The following OSBPL2 variants were observed in gnomAD, a reference collection of about 807,000 sequenced individuals.
The protein encoded by OSBPL2 is oxysterol-binding protein-related protein 2.
A neutral mutation model predicts 58.4 loss-of-function variants in OSBPL2; 18 were observed. The ratio of observed to expected loss-of-function variants is 0.31; its 90% confidence interval spans 0.21 to 0.46. OSBPL2 has a LOEUF of 0.46. Among genes scored for constraint, OSBPL2 ranks in the 20% least tolerant of loss-of-function variants. The probability of loss-of-function intolerance (pLI) is 1.00; values close to 1 mark genes in which losing one functional copy is unlikely to be tolerated. For missense variants in OSBPL2, 461 were observed against 616.5 expected (o/e 0.75, Z 2.67); for synonymous variants, 221 against 234.1 (o/e 0.94, Z 0.51).
chr20:62,291,755 G>A lies in OSBPL2; in HGVS notation c.1302G>A (p.Arg434=). The change falls in exon 13 of 14, where the codon CGG becomes CGA. Residue 434 remains arginine, a synonymous_variant. Transcript: ENST00000313733. ...ERLEEKQREA[R]RERAKEEAEW... is the part of the protein sequence containing the mutation. Reference sequence around the variant, plus strand: ...TGGAGGAGAAGCAGAGAGAAGCACGGAGGGAGCGGGCCAAGGAGGAGGCAG... The same window carrying A: ...TGGAGGAGAAGCAGAGAGAAGCACGAAGGGAGCGGGCCAAGGAGGAGGCAG... 6.2e-7 allele frequency: 1 copy of A among 1,612,720 alleles called. No individual in the cohort carries two copies. Among genetic ancestry groups the A allele is most frequent in the African/African-American group, 1.3e-5 (1 of 74,742 alleles).
chr20:62,247,774 C>G (rs1251623755), intron 1 of OSBPL2, among the ~76,000 whole-genome samples: 1 of 151,676 alleles, frequency 6.6e-6, no homozygotes, highest in Non-Finnish European at 1.5e-5. Context: ...AAGCTATTCT[C>G]CTGCCTCAGC....
chr20:62,287,817 G>A (rs570283307), intron 11 of OSBPL2, among the ~76,000 whole-genome samples: 1 of 152,238 alleles, frequency 6.6e-6, no homozygotes, highest in South Asian at 2.1e-4. Context: ...TTTTTTTCAG[G>A]GAAGTCTCTT....
chr20:62,269,646 C>T lies in OSBPL2; in HGVS notation c.259-2479C>T, dbSNP rs1247025267. Among the ~76,000 whole-genome samples the T allele has an allele frequency of 2.0e-5, 3 of 152,196 alleles. No individual in the cohort carries two copies. The highest frequency in any genetic ancestry group is 2.9e-5 in the Non-Finnish European group (2 of 68,044). On this transcript the variant is annotated intron_variant, in intron 4 of 13. Coordinates refer to ENST00000313733, the MANE Select transcript of OSBPL2 (RefSeq NM_144498.4). This position sits in a 1 kb window ranked among gnomAD's most constrained non-coding sequence, Gnocchi z 4.2. Reference sequence around the variant, plus strand: ...CTGTGGCCTCTTCTAGTTTACCAGGCGTTTAGAGCACGGGAGGCTGTTGAT... The same window carrying T: ...CTGTGGCCTCTTCTAGTTTACCAGGTGTTTAGAGCACGGGAGGCTGTTGAT...
intron 9 of OSBPL2, among the ~76,000 whole-genome samples, chr20:62,283,227 A>G (rs1982901983): frequency 6.6e-6 from 1 of 152,268 alleles, no homozygotes; most frequent in African/African-American, 2.4e-5. Context: ...CTGGTTTTCC[A>G]TCCTAAATTT....
At chr20:62,280,978 C>T (rs1262865486) in intron 7 of OSBPL2, 80 bp from the exon 8 acceptor site, 41 of 1,132,302 alleles carry the variant, frequency 3.6e-5, no homozygotes, top group Admixed American at 1.0e-4. Flanking sequence ...GACCCAGCCC[C>T]GCCTGGTCGT....
At chr20:62,248,704 T>TTTATTTA (rs1243731116) in intron 1 of OSBPL2, among the ~76,000 whole-genome samples, 2 of 87,688 alleles carry the variant, frequency 2.3e-5, no homozygotes, top group Admixed American at 1.3e-4. Context: ...TTATTTATTT[T>TTTATTTA]TTAAGAGACA....
chr20:62,273,071 C>T (rs968752268), intron 5 of OSBPL2, among the ~76,000 whole-genome samples: 2 of 152,144 alleles, frequency 1.3e-5, no homozygotes, highest in African/African-American at 2.4e-5. Flanking sequence ...GGCCTGGCTC[C>T]GGGGGTGGAA....
At chr20:62,258,753 G>A (rs979774412) in intron 2 of OSBPL2, among the ~76,000 whole-genome samples, 4 of 152,138 alleles carry the variant, frequency 2.6e-5, no homozygotes, top group Admixed American at 6.5e-5. Flanking sequence ...TTTATTCTTC[G>A]GGGTGGGGGC....
chr20:62,250,721 C>T (rs1184145446), intron 1 of OSBPL2, among the ~76,000 whole-genome samples: 1 of 152,038 alleles, frequency 6.6e-6, no homozygotes, highest in Non-Finnish European at 1.5e-5. Flanking sequence ...AGGAGTTCAG[C>T]ACTAGTCTGG....
intron 1 of OSBPL2, among the ~76,000 whole-genome samples, chr20:62,240,154 T>C (rs780462631): frequency 9.2e-5 from 14 of 152,136 alleles, no homozygotes; most frequent in South Asian, 2.1e-4. Flanking sequence ...CGCCCTGCCA[T>C]GAAATCATTT....
intron 1 of OSBPL2, among the ~76,000 whole-genome samples, chr20:62,250,427 C>T (rs191828093): frequency 8.5e-4 from 129 of 152,240 alleles, no homozygotes; most frequent in African/African-American, 2.9e-3. Flanking sequence ...GGTTGTTGAC[C>T]GGAAAGCCCT....
chr20:62,271,991 C>A, intron 4 of OSBPL2, 134 bp from the exon 5 acceptor site: 1 of 1,029,400 alleles, frequency 9.7e-7, no homozygotes, highest in Non-Finnish European at 1.4e-6. Flanking sequence ...GTGGCTCACC[C>A]ATGGGGGGTT....
At position 62,284,178 on chromosome 20, in the gene OSBPL2, T is replaced by C. The variant is rs1374481044; in HGVS notation, c.996+9T>C. 1.9e-6 allele frequency: 3 copies of C among 1,613,874 alleles called. No homozygotes were observed. Among genetic ancestry groups the C allele is most frequent in the Non-Finnish European group, 2.5e-6 (3 of 1,179,980 alleles). ...TGAGAAAGGCCAAGCTGGTAAGGGC[T>C]GGGGCGTCCCCGGGCAGAGCTGAGC... On this transcript the variant is annotated intron_variant, in intron 10 of 13. Coordinates refer to ENST00000313733, the MANE Select transcript of OSBPL2 (RefSeq NM_144498.4).
At chr20:62,255,947 G>T in intron 1 of OSBPL2, 110 bp from the exon 2 acceptor site, 2 of 461,886 alleles carry the variant, frequency 4.3e-6, no homozygotes, top group Non-Finnish European at 3.8e-6. Flanking sequence ...TTACTAATTT[G>T]CTTACATGGA....
At chr20:62,251,189 G>A (rs932738459) in intron 1 of OSBPL2, among the ~76,000 whole-genome samples, 5 of 148,136 alleles carry the variant, frequency 3.4e-5, no homozygotes, top group South Asian at 4.3e-4. Context: ...GACTACAGGC[G>A]CCTGCCACTG....
At position 62,289,326 on chromosome 20, in the gene OSBPL2, C is replaced by A. The variant is rs1172721823; in HGVS notation, c.1245C>A (p.Asn415Lys). 1 of 1,612,542 alleles carries A rather than the reference C, an allele frequency of 6.2e-7. No homozygotes were observed. The highest frequency in any genetic ancestry group is 1.1e-5 in the South Asian group (1 of 90,682). The change falls in exon 12 of 14, where the codon AAC (asparagine) becomes AAA (lysine). Residue 415 changes from asparagine (N) to lysine (K), a missense_variant. Physicochemically the swap from Asn to Lys is moderately conservative, Grantham distance 94 (BLOSUM62 0). Transcript: ENST00000313733. Reference sequence around the variant, plus strand: ...ACATCCGCGGCATGGAGAATGGCAACATGGGTGCGTCCACGCAGTCAGAGG... The same window carrying A: ...ACATCCGCGGCATGGAGAATGGCAAAATGGGTGCGTCCACGCAGTCAGAGG... ...RPDIRGMENG[N>K]MDLASQEKER... is the part of the protein sequence containing the mutation.
chr20:62,274,143 T>A (rs1409375380), intron 6 of OSBPL2, among the ~76,000 whole-genome samples: 2 of 152,174 alleles, frequency 1.3e-5, no homozygotes, highest in Non-Finnish European at 2.9e-5. Flanking sequence ...TGGCTGGGCC[T>A]CTGGAAGGAC....
At chr20:62,263,269 G>A (rs946910393) in intron 3 of OSBPL2, among the ~76,000 whole-genome samples, 3 of 152,188 alleles carry the variant, frequency 2.0e-5, no homozygotes, top group Non-Finnish European at 4.4e-5. Flanking sequence ...CTGCCCCAGG[G>A]ACCCAGCAGG....
chr20:62,245,915 A>C (rs1289180738), intron 1 of OSBPL2, among the ~76,000 whole-genome samples: 7 of 152,232 alleles, frequency 4.6e-5, no homozygotes, highest in Admixed American at 3.9e-4. Flanking sequence ...TTCCTCGACA[A>C]TTGGCAGAAG....
Sources: gnomAD v4.1 joint callset for allele counts (sites outside exome capture counted in the v4.1 genomes callset) on GRCh38, gnomAD v4.1.1 for gene constraint, Gnocchi (gnomAD v3.1) non-coding constraint, MANE v1.5 for transcripts, NCBI Gene and HGNC (gene_info 2026-07-23, HGNC 2026-07-21) for gene names.